The following CORIN variants were observed in gnomAD, a reference collection of about 807,000 sequenced individuals.
CORIN encodes atrial natriuretic peptide-converting enzyme.
CORIN carries 117 observed loss-of-function variants against 125.3 expected under a neutral mutation model. That is an observed-to-expected ratio of 0.93 (90% CI 0.80 to 1.09). The LOEUF is 1.09. Among genes scored for constraint, CORIN ranks in the 50% least tolerant of loss-of-function variants. The pLI, the probability that CORIN is intolerant of heterozygous loss-of-function variation, is 0.00. For missense variants in CORIN, 1,253 were observed against 1,306.7 expected (o/e 0.96, Z 0.63); for synonymous variants, 450 against 466.4 (o/e 0.96, Z 0.45).
intron 17 of CORIN, among the ~76,000 whole-genome samples, chr4:47,625,007 A>G (rs1722492296): frequency 6.6e-6 from 1 of 152,164 alleles, no homozygotes. Context: ...ATTATGTAAT[A>G]CAGGAAAAGC....
At chr4:47,691,783 C>T (rs1244084103) in intron 6 of CORIN, among the ~76,000 whole-genome samples, 2 of 151,688 alleles carry the variant, frequency 1.3e-5, no homozygotes, top group Admixed American at 1.3e-4. Context: ...CATGAAACAC[C>T]AGTTTGGGAA....
chr4:47,691,439 C>T (rs544796400), intron 6 of CORIN, among the ~76,000 whole-genome samples: 5 of 152,230 alleles, frequency 3.3e-5, no homozygotes, highest in African/African-American at 7.2e-5. Context: ...GTGTGCCATG[C>T]GTTGTTTTGA....
intron 5 of CORIN, among the ~76,000 whole-genome samples, chr4:47,725,736 T>A (rs1577865921): frequency 6.6e-6 from 1 of 152,096 alleles, no homozygotes; most frequent in East Asian, 1.9e-4. Context: ...TACAAAAGTA[T>A]GTTGCATTAA....
chr4:47,784,970 C>G (rs1730719636), intron 3 of CORIN, among the ~76,000 whole-genome samples: 1 of 152,212 alleles, frequency 6.6e-6, no homozygotes, highest in African/African-American at 2.4e-5. Flanking sequence ...TCCTCAAACA[C>G]TGGCAAACAT....
chr4:47,673,208 A>G (rs150511052), intron 10 of CORIN, among the ~76,000 whole-genome samples: 3,807 of 148,828 alleles, frequency 0.026, 169 homozygotes, highest in African/African-American at 0.09. Flanking sequence ...ATAAATAAAT[A>G]AATAAATAAA....
chr4:47,630,632 T>C (rs1722768615), intron 16 of CORIN, among the ~76,000 whole-genome samples: 1 of 152,168 alleles, frequency 6.6e-6, no homozygotes. Flanking sequence ...CCAATTGCCA[T>C]TTGTCTACAT....
chr4:47,598,333 C>T (rs1403075785), intron 21 of CORIN, among the ~76,000 whole-genome samples: 1 of 151,888 alleles, frequency 6.6e-6, no homozygotes, highest in Non-Finnish European at 1.5e-5. Context: ...TGGTTTTCTA[C>T]CTGAAGTTGT....
chr4:47,733,777 C>T (rs753305437), intron 5 of CORIN, among the ~76,000 whole-genome samples: 7 of 152,136 alleles, frequency 4.6e-5, no homozygotes, highest in Non-Finnish European at 1.0e-4. Context: ...CACTTTAGCA[C>T]ATTATTTACT....
chr4:47,832,036 A>G (rs1733036827), intron 1 of CORIN, among the ~76,000 whole-genome samples: 1 of 152,240 alleles, frequency 6.6e-6, no homozygotes, highest in African/African-American at 2.4e-5. Flanking sequence ...TTTCCCCCAA[A>G]CATTGTACTT....
At chr4:47,787,737 T>G (rs565007933) in intron 2 of CORIN, among the ~76,000 whole-genome samples, 1 of 152,254 alleles carries the variant, frequency 6.6e-6, no homozygotes, top group Non-Finnish European at 1.5e-5. Flanking sequence ...GTTTGGCACA[T>G]GCCATGAGCA....
chr4:47,643,280 G>A (rs371991100), intron 14 of CORIN, 24 bp from the exon 15 acceptor site: 28 of 1,574,752 alleles, frequency 1.8e-5, no homozygotes, highest in Non-Finnish European at 1.7e-5. Context: ...CAAAAAGTGA[G>A]AAGGAAAACA....
intron 7 of CORIN, chr4:47,681,247 G>A (rs1284592475): frequency 1.3e-5 from 2 of 152,214 alleles, no homozygotes; most frequent in South Asian, 2.1e-4. Context: ...GATCAACAGA[G>A]GAAAGTATAG....
chr4:47,663,317 A>T (rs1197825559), intron 11 of CORIN, among the ~76,000 whole-genome samples: 1 of 152,168 alleles, frequency 6.6e-6, no homozygotes, highest in African/African-American at 2.4e-5. Flanking sequence ...TAGATTTTTC[A>T]GTCTCATAGC....
rs1680685731 is a variant in CORIN at position 47,826,879 on chromosome 4, G to A, written c.63+11008C>T. On this transcript the variant is annotated intron_variant, in intron 1 of 21. Transcript: ENST00000273857. ...TGAGCACCTGCAATGCAGCTCATTT[G>A]AACTGAGAAATGCTATAAGGGTAGT... Among the ~76,000 whole-genome samples the A allele has an allele frequency of 1.3e-5, 2 of 152,044 alleles. 1 individual carries two copies. The highest frequency in any genetic ancestry group is 4.2e-4 in the South Asian group (2 of 4,818).
chr4:47,651,198 A>C (rs961940369), intron 13 of CORIN, among the ~76,000 whole-genome samples: 4 of 152,270 alleles, frequency 2.6e-5, no homozygotes, highest in Admixed American at 2.6e-4. Flanking sequence ...CTTGTTAGAA[A>C]TTCTGAGGGA....
At chr4:47,754,633 A>G (rs1483945499) in intron 4 of CORIN, among the ~76,000 whole-genome samples, 3 of 151,966 alleles carry the variant, frequency 2.0e-5, no homozygotes, top group Non-Finnish European at 4.4e-5. Context: ...AATCCATCCA[A>G]TACACAGAGG....
At chr4:47,798,171 G>A (rs894965782) in intron 2 of CORIN, among the ~76,000 whole-genome samples, 1 of 152,036 alleles carries the variant, frequency 6.6e-6, no homozygotes, top group South Asian at 2.1e-4. Context: ...ATTTACTACT[G>A]CTTTCTTCTA....
intron 19 of CORIN, among the ~76,000 whole-genome samples, chr4:47,604,473 T>C (rs1177348138): frequency 6.6e-6 from 1 of 152,230 alleles, no homozygotes; most frequent in African/African-American, 2.4e-5. Flanking sequence ...TAATGTTCAA[T>C]GGTCTATTTA....
chr4:47,634,568 A>G (rs1244797957), intron 16 of CORIN, among the ~76,000 whole-genome samples: 2 of 152,186 alleles, frequency 1.3e-5, no homozygotes, highest in Non-Finnish European at 2.9e-5. Flanking sequence ...TGGGAGGTGG[A>G]GGTTGCAGTG....
Sources: gnomAD v4.1 joint callset for allele counts (sites outside exome capture counted in the v4.1 genomes callset) on GRCh38, gnomAD v4.1.1 for gene constraint, MANE v1.5 for transcripts, NCBI Gene and HGNC (gene_info 2026-07-23, HGNC 2026-07-21) for gene names.